TUBA1C: variants seen among roughly 807,000 people sequenced by gnomAD.
TUBA1C encodes the protein tubulin alpha-1C chain.
TUBA1C carries 16 observed loss-of-function variants against 34.9 expected under a neutral mutation model. The ratio of observed to expected loss-of-function variants is 0.46; its 90% confidence interval spans 0.31 to 0.70. The LOEUF (loss-of-function observed/expected upper bound fraction) is 0.70, where lower values mean the gene tolerates loss of function less well. Ranked by LOEUF, TUBA1C falls within the 30% of genes least tolerant of loss-of-function variation. TUBA1C has a pLI of 0.05. For synonymous variants in TUBA1C, 177 were observed against 215.9 expected (o/e 0.82, Z 1.58); for missense variants, 329 against 587.3 (o/e 0.56, Z 4.55).
intron 1 of TUBA1C, among the ~76,000 whole-genome samples, chr12:49,231,647 T>G (rs1942498285): frequency 6.6e-6 from 1 of 152,126 alleles, no homozygotes; most frequent in Admixed American, 6.6e-5. Context: ...CCATGGCTAT[T>G]TTTCTTTAAA....
At chr12:49,263,652 A>G (rs774996140), upstream of TUBA1C, among the ~76,000 whole-genome samples, 2 of 152,058 alleles carry the variant, frequency 1.3e-5, no homozygotes, top group Admixed American at 6.6e-5. Context: ...TGTTCCCTCA[A>G]TATTTCCATA....
At chr12:49,253,701 A>G (rs182595188) in intron 1 of TUBA1C, among the ~76,000 whole-genome samples, 1 of 151,940 alleles carries the variant, frequency 6.6e-6, no homozygotes, top group Non-Finnish European at 1.5e-5. Context: ...CTAATTTTAA[A>G]TTTTTTTGTA....
intron 1 of TUBA1C, among the ~76,000 whole-genome samples, chr12:49,250,004 C>T (rs1942716199): frequency 6.6e-6 from 1 of 151,852 alleles, no homozygotes; most frequent in Non-Finnish European, 1.5e-5. Flanking sequence ...TGAGACCAGC[C>T]TGGCCCAACG....
At position 49,245,968 on chromosome 12, in the gene TUBA1C, G is replaced by C. The variant is rs376876843; in HGVS notation, c.213+17802G>C. 3.3e-5 allele frequency among the ~76,000 whole-genome samples: 5 copies of C among 152,254 alleles called. No individual in the cohort carries two copies. The South Asian group carries it at 1.0e-3, about 32-fold the overall frequency. On this transcript the variant is annotated intron_variant, in intron 1 of 3. Coordinates refer to the TUBA1C transcript ENST00000541364. ...TGCCCAGGCTGGAGTGCAGTGGCAC[G>C]ATCTCGGCTACCTGCAACCTCAGCG...
chr12:49,259,234 CT>C (rs1324636687), intron 1 of TUBA1C, among the ~76,000 whole-genome samples: 1 of 151,372 alleles, frequency 6.6e-6, no homozygotes, highest in African/African-American at 2.4e-5. Context: ...GATACAAATA[CT>C]TTCTTTTTTT....
chr12:49,229,084 A>G (rs748908878), intron 1 of TUBA1C, among the ~76,000 whole-genome samples: 5 of 152,102 alleles, frequency 3.3e-5, no homozygotes, highest in Non-Finnish European at 7.4e-5. Context: ...CCTCTAATCT[A>G]TTGGTCTTCC....
chr12:49,248,548 G>A (rs1454166179), intron 1 of TUBA1C, among the ~76,000 whole-genome samples: 3 of 146,420 alleles, frequency 2.0e-5, no homozygotes, highest in African/African-American at 5.1e-5. Flanking sequence ...CAACAACAGC[G>A]AAACTCTGTC....
chr12:49,241,376 G>A lies in TUBA1C; in HGVS notation c.213+13210G>A, dbSNP rs139207638. Among the ~76,000 whole-genome samples, 569 of 152,218 alleles carry A rather than the reference G, an allele frequency of 3.7e-3. 8 individuals carry two copies. Among genetic ancestry groups the A allele is most frequent in the Admixed American group, 0.015 (224 of 15,278 alleles). On this transcript the variant is annotated intron_variant, in intron 1 of 3. Coordinates refer to the TUBA1C transcript ENST00000541364. ...GGTAGGATTCAACACTGAGATGGGA[G>A]GGAAAGGTGTTTCCATTGGAGGAAC...
At chr12:49,228,615 T>C (rs1026278789) in intron 1 of TUBA1C, among the ~76,000 whole-genome samples, 1 of 152,200 alleles carries the variant, frequency 6.6e-6, no homozygotes, top group African/African-American at 2.4e-5. Flanking sequence ...GAATCTAAAG[T>C]CTCAAATTAC....
intron 1 of TUBA1C, among the ~76,000 whole-genome samples, chr12:49,265,965 AAAAAAAAC>A (rs1487820692): frequency 4.3e-5 from 6 of 140,162 alleles, no homozygotes; most frequent in East Asian, 2.0e-4. Flanking sequence ...TTTAAAAAAA[AAAAAAAAC>A]AAAAAAAAAC....
intron 1 of TUBA1C, among the ~76,000 whole-genome samples, chr12:49,244,883 A>T (rs573478889): frequency 5.7e-4 from 86 of 152,212 alleles, no homozygotes; most frequent in African/African-American, 2.0e-3. Context: ...ATCCTCCCAG[A>T]TGCTTGCTCA....
At chr12:49,262,235 T>C (rs1247170521), upstream of TUBA1C, among the ~76,000 whole-genome samples, 1 of 148,372 alleles carries the variant, frequency 6.7e-6, no homozygotes, top group Non-Finnish European at 1.5e-5. Context: ...GGAAATATAG[T>C]GGGACTTCAT....
chr12:49,232,920 C>T (rs1019489120), intron 1 of TUBA1C: 3 of 152,176 alleles, frequency 2.0e-5, no homozygotes, highest in Non-Finnish European at 4.4e-5. Context: ...TTTGACCCTG[C>T]ATTTCACAGA....
chr12:49,230,302 A>G (rs977454788), intron 1 of TUBA1C, among the ~76,000 whole-genome samples: 10 of 152,192 alleles, frequency 6.6e-5, no homozygotes, highest in African/African-American at 2.4e-4. Context: ...AGGGAGAGAC[A>G]GGTGCAAGCT....
rs1009631178 is a variant in TUBA1C, at chr12:49,265,111, C to T, written c.-71C>T. ...CTTCTCCCCCGGACTCCTTGGTAGT[C>T]TGTTAGTGGGAGATCCTTGTTGCCG... On this transcript the variant is annotated 5_prime_UTR_variant, in exon 1 of 4. Coordinates refer to ENST00000301072, the MANE Select transcript of TUBA1C (RefSeq NM_032704.5). The T allele has an allele frequency of 5.1e-6, 8 of 1,555,570 alleles. No homozygotes were observed. The highest frequency in any genetic ancestry group is 4.6e-5 in the East Asian group (2 of 43,318).
rs756881217 is a variant in TUBA1C at position 49,231,785 on chromosome 12, T to C, written c.213+3619T>C. On this transcript the variant is annotated intron_variant, in intron 1 of 3. Transcript: ENST00000541364. ...GCTGGTCTCGAACTCCTGGCCTCAA[T>C]TGATCCTCCCATCTCAGCCTCCTGA... Among the ~76,000 whole-genome samples the C allele has an allele frequency of 2.6e-4, 39 of 152,198 alleles. No individual in the cohort carries two copies. In the Middle Eastern group the frequency reaches 0.014, roughly 53 times the overall value.
intron 1 of TUBA1C, among the ~76,000 whole-genome samples, chr12:49,266,821 C>T (rs2335452): frequency 2.6e-5 from 4 of 152,066 alleles, no homozygotes; most frequent in Admixed American, 6.5e-5. Context: ...TGCACTCCAG[C>T]GAGACCTTAT....
At chr12:49,271,426 T>A (rs1460388803) in intron 3 of TUBA1C, among the ~76,000 whole-genome samples, 1 of 152,238 alleles carries the variant, frequency 6.6e-6, no homozygotes, top group East Asian at 1.9e-4. Flanking sequence ...TGTGTCACTT[T>A]ACCCAAAATA....
At chr12:49,240,368 T>C (rs1024141541) in intron 1 of TUBA1C, among the ~76,000 whole-genome samples, 1 of 151,810 alleles carries the variant, frequency 6.6e-6, no homozygotes, top group Non-Finnish European at 1.5e-5. Flanking sequence ...GTTAAGTGTG[T>C]CCCTCACATT....
Sources: gnomAD v4.1 joint callset for allele counts (sites outside exome capture counted in the v4.1 genomes callset) on GRCh38, gnomAD v4.1.1 for gene constraint, MANE v1.5 for transcripts, NCBI Gene and HGNC (gene_info 2026-07-23, HGNC 2026-07-21) for gene names.